Variants in GSE1 observed in about 807,000 individuals in gnomAD.
The protein encoded by GSE1 is Gse1 coiled-coil protein.
Under a neutral mutation model 112.6 loss-of-function variants are expected in GSE1, and 32 were observed. The ratio of observed to expected loss-of-function variants is 0.28; its 90% CI spans 0.21 to 0.38. The LOEUF (loss-of-function observed/expected upper bound fraction) is 0.38, where lower values mean the gene tolerates loss of function less well. Among genes scored for constraint, GSE1 ranks in the 10% least tolerant of loss-of-function variants. GSE1 has a pLI of 1.00. For synonymous variants in GSE1, 1,115 were observed against 735.6 expected, an observed-to-expected ratio of 1.52 and a Z score of -8.35; for missense variants, 2,348 against 1,699.2, an observed-to-expected ratio of 1.38 and a Z score of -6.71.
At chr16:85,656,761 T>C (rs2051994747) in intron 7 of GSE1, 96 bp downstream of exon 7, 2 of 1,423,416 alleles carry the variant, frequency 1.4e-6, no homozygotes, top group Non-Finnish European at 1.8e-6. Context: ...GTGGTGTAAA[T>C]GTTCCCCAGC....
intron 2 of GSE1, among the ~76,000 whole-genome samples, chr16:85,457,086 G>A (rs2049848491): frequency 6.6e-6 from 1 of 152,200 alleles, no homozygotes; most frequent in Admixed American, 6.5e-5. Context: ...CGGGGTGGCT[G>A]TGGGGGTAAG....
At chr16:85,520,916 ACCCTCTGACAGCTGGCCAGCACTGCC>A (rs2052162204) in intron 2 of GSE1, among the ~76,000 whole-genome samples, 1 of 152,032 alleles carries the variant, frequency 6.6e-6, no homozygotes, top group Non-Finnish European at 1.5e-5. Flanking sequence ...CCCGCCCGCC[ACCCTCTGACAGCTGGCCAGCACTGCC>A]CTGGATGGAG....
chr16:85,567,334 G>A (rs527882968), intron 1 of GSE1, among the ~76,000 whole-genome samples: 1 of 152,204 alleles, frequency 6.6e-6, no homozygotes, highest in Non-Finnish European at 1.5e-5. Context: ...AATTCAGAAA[G>A]GGTGTGGTGG....
intron 2 of GSE1, among the ~76,000 whole-genome samples, chr16:85,394,591 A>T (rs931606435): frequency 6.6e-6 from 1 of 152,060 alleles, no homozygotes; most frequent in African/African-American, 2.4e-5. Context: ...CCGCGCACAC[A>T]CACACGCACT....
chr16:85,303,594 C>T (rs777580512), intron 1 of GSE1, among the ~76,000 whole-genome samples: 2 of 152,230 alleles, frequency 1.3e-5, no homozygotes, highest in Non-Finnish European at 2.9e-5. Flanking sequence ...ATTTTGTTGA[C>T]AGGAAGACTG....
At chr16:85,573,272 C>A (rs749295271) in intron 1 of GSE1, among the ~76,000 whole-genome samples, 2 of 152,162 alleles carry the variant, frequency 1.3e-5, no homozygotes, top group African/African-American at 4.8e-5. Context: ...ACTACGGGTG[C>A]GCTGCACTGT....
intron 1 of GSE1, among the ~76,000 whole-genome samples, chr16:85,348,022 A>G (rs1379733558): frequency 1.3e-5 from 2 of 152,124 alleles, no homozygotes; most frequent in East Asian, 1.9e-4. Flanking sequence ...AAAGGCATTC[A>G]TGGACTTCTT....
At chr16:85,606,667 G>A (rs1373402206), upstream of GSE1, among the ~76,000 whole-genome samples, 2 of 152,246 alleles carry the variant, frequency 1.3e-5, no homozygotes, top group Non-Finnish European at 1.5e-5. Context: ...TGGATGCCCT[G>A]GGATCCCTGT....
exon 1 of GSE1, chr16:85,170,296 G>T (rs1055043196): frequency 2.0e-6 from 2 of 985,632 alleles, no homozygotes; most frequent in African/African-American, 1.7e-5. Context: ...CCGGCGGAAG[G>T]GGGTTGGGAG....
rs971355039 is a variant in GSE1 at position 85,316,162 on chromosome 16, C to T, written c.2284-41301C>T. 5.3e-5 allele frequency among the ~76,000 whole-genome samples: 8 copies of T among 152,242 alleles called. No individual in the cohort carries two copies. The East Asian group carries it at 7.7e-4, about 15-fold the overall frequency. The stretch of plus-strand genomic sequence containing the variant: ...CCCTGAGTAACTCGGTGCAGAAGTG[C>T]GACACCAGCCACCTATTCCATTTTC... On this transcript the variant is annotated intron_variant, in intron 1 of 2. Transcript: ENST00000637419.
At chr16:85,191,042 T>G (rs2074809100) in intron 1 of GSE1, among the ~76,000 whole-genome samples, 1 of 152,202 alleles carries the variant, frequency 6.6e-6, no homozygotes, top group African/African-American at 2.4e-5. Context: ...GTGGATCGCT[T>G]TAGGCCATGA....
At chr16:85,230,866 GATGA>G (rs200630395) in intron 1 of GSE1, among the ~76,000 whole-genome samples, 18 of 151,536 alleles carry the variant, frequency 1.2e-4, no homozygotes, top group East Asian at 9.7e-4. Context: ...TGGATGGATG[GATGA>G]GTGGACGGAC....
chr16:85,613,537 G>A, intron 1 of GSE1, 139 bp downstream of exon 1: 1 of 813,272 alleles, frequency 1.2e-6, no homozygotes, highest in African/African-American at 1.8e-5. Flanking sequence ...GCGGCGATAA[G>A]AGCCGGGAGG....
upstream of GSE1, among the ~76,000 whole-genome samples, chr16:85,607,449 C>G (rs1329120232): frequency 6.6e-6 from 1 of 152,228 alleles, no homozygotes; most frequent in East Asian, 1.9e-4. Context: ...AATTGAAAAT[C>G]TATGCAAAAC....
At chr16:85,286,432 G>T (rs933699922) in intron 1 of GSE1, among the ~76,000 whole-genome samples, 1 of 152,244 alleles carries the variant, frequency 6.6e-6, no homozygotes, top group Non-Finnish European at 1.5e-5. Context: ...CGCAGTCCGT[G>T]TTACTGAATC....
At chr16:85,381,167 T>A (rs1030665322) in intron 2 of GSE1, among the ~76,000 whole-genome samples, 2 of 152,222 alleles carry the variant, frequency 1.3e-5, no homozygotes, top group African/African-American at 4.8e-5. Flanking sequence ...TTTATGAATC[T>A]TCCTATTCTG....
intron 2 of GSE1, among the ~76,000 whole-genome samples, chr16:85,470,738 C>T (rs533730688): frequency 6.6e-6 from 1 of 152,318 alleles, no homozygotes; most frequent in African/African-American, 2.4e-5. Flanking sequence ...CCCCCGCCCC[C>T]TGCCCACTTC....
chr16:85,204,544 G>T (rs76876437), intron 1 of GSE1, among the ~76,000 whole-genome samples: 302 of 152,336 alleles, frequency 2.0e-3, no homozygotes, highest in Non-Finnish European at 3.4e-3. Context: ...AGGCTATTGT[G>T]TCTGAAGTTC....
At chr16:85,267,710 G>T (rs1023361234) in intron 1 of GSE1, among the ~76,000 whole-genome samples, 2 of 152,156 alleles carry the variant, frequency 1.3e-5, no homozygotes, top group Non-Finnish European at 2.9e-5. Flanking sequence ...CCCCTGGGTT[G>T]TTTCCTTTGC....
Sources: allele counts gnomAD v4.1 joint callset (sites outside exome capture counted in the v4.1 genomes callset), GRCh38; gene constraint gnomAD v4.1.1; transcripts MANE v1.5; gene names NCBI Gene and HGNC (gene_info 2026-07-23, HGNC 2026-07-21).